Variants in TMEM165 observed in about 807,000 individuals in gnomAD.
The protein encoded by TMEM165 is putative divalent cation/proton antiporter TMEM165.
TMEM165 carries 19 observed loss-of-function variants against 30.0 expected under a neutral mutation model. That is an observed-to-expected ratio of 0.63 (90% CI 0.44 to 0.93). The LOEUF is 0.93. Ranked by LOEUF, TMEM165 falls within the 40% of genes least tolerant of loss-of-function variation. The pLI, the probability that TMEM165 is intolerant of heterozygous loss-of-function variation, is 0.00. For synonymous variants in TMEM165, 168 were observed against 162.9 expected (o/e 1.03, Z -0.24); for missense variants, 340 against 417.0 (o/e 0.82, Z 1.61).
intron 3 of TMEM165, chr4:55,442,351 A>C: frequency 7.8e-7 from 1 of 1,279,436 alleles, no homozygotes; most frequent in Middle Eastern, 2.2e-4. Flanking sequence ...ACATTAAAAA[A>C]TTTGATTAAG....
chr4:55,453,136 A>G, exon 4 of TMEM165: 36 of 1,610,560 alleles, frequency 2.2e-5, no homozygotes, highest in Non-Finnish European at 3.1e-5. Context: ...ATAACTACAA[A>G]TGGAAAAAAT....
intron 1 of TMEM165, among the ~76,000 whole-genome samples, chr4:55,402,473 A>C (rs1721062065): frequency 1.2e-5 from 1 of 83,966 alleles, no homozygotes; most frequent in South Asian, 4.0e-4. Flanking sequence ...TTTTTGAGAC[A>C]GAGTCTCACT....
At chr4:55,435,219 T>A in intron 3 of TMEM165, 1 of 630,592 alleles carries the variant, frequency 1.6e-6, no homozygotes. Flanking sequence ...TATGATCACC[T>A]CCTGCTGGCT....
chr4:55,444,722 G>A (rs761998791), intron 3 of TMEM165: 5 of 1,613,898 alleles, frequency 3.1e-6, no homozygotes, highest in East Asian at 2.2e-5. Context: ...TCTATCATGC[G>A]TGTCCGTTGT....
At chr4:55,423,180 C>T (rs1722054212) in intron 4 of TMEM165, 2 of 152,324 alleles carry the variant, frequency 1.3e-5, no homozygotes, top group African/African-American at 4.8e-5. Context: ...AGTGATCCTT[C>T]TGCCTTAGCC....
chr4:55,397,527 C>T (rs190911838), intron 1 of TMEM165: 1 of 152,174 alleles, frequency 6.6e-6, no homozygotes, highest in Admixed American at 6.5e-5. Flanking sequence ...TTTGAAGCCA[C>T]GGATCAACTC....
At position 55,398,054 on chromosome 4, in the gene TMEM165, C is replaced by T. The variant is rs1373713969; in HGVS notation, c.207+1658C>T. Among the ~76,000 whole-genome samples the T allele has an allele frequency of 3.3e-5, 5 of 152,124 alleles. No homozygotes were observed. In the East Asian group the frequency reaches 9.6e-4, roughly 29 times the overall value. On this transcript the variant is annotated intron_variant, in intron 1 of 5. Transcript: ENST00000381334. ...GCATTGTTTTCGTGTTTCATGTTTT[C>T]GTTACATGTTACTTTCTTAGGCTTT... is the stretch of plus-strand genomic sequence containing the variant.
intron 1 of TMEM165, among the ~76,000 whole-genome samples, chr4:55,400,252 T>C (rs1416473724): frequency 1.6e-5 from 1 of 63,258 alleles, no homozygotes; most frequent in Non-Finnish European, 3.2e-5. Flanking sequence ...AATATTATAT[T>C]ATATTAATAT....
At chr4:55,418,023 C>T (rs550031985) in intron 4 of TMEM165, 38 bp downstream of exon 4, 26 of 1,543,948 alleles carry the variant, frequency 1.7e-5, no homozygotes, top group African/African-American at 2.8e-5. Flanking sequence ...TAAAATGAAA[C>T]GTAATTATTA....
downstream of TMEM165, chr4:55,429,132 G>A (rs1310907678): frequency 6.6e-6 from 1 of 151,998 alleles, no homozygotes; most frequent in African/African-American, 2.4e-5. Flanking sequence ...ACTAGTCCAA[G>A]CCAACTCAAA....
At chr4:55,451,775 C>T (rs1336795967) in intron 3 of TMEM165, among the ~76,000 whole-genome samples, 1 of 152,170 alleles carries the variant, frequency 6.6e-6, no homozygotes, top group Non-Finnish European at 1.5e-5. Flanking sequence ...ATGTCTTCTA[C>T]CAAAACATAC....
chr4:55,424,939 G>A, intron 5 of TMEM165: 1 of 388,138 alleles, frequency 2.6e-6, no homozygotes, highest in South Asian at 3.1e-5. Flanking sequence ...CTCTAAAAAT[G>A]TGTCTTACAA....
rs184824339 is a variant in TMEM165 at position 55,418,462 on chromosome 4, T to G, written c.792+477T>G. On this transcript the variant is annotated intron_variant, in intron 4 of 5. Coordinates refer to ENST00000381334, the MANE Select transcript of TMEM165 (RefSeq NM_018475.5). Reference sequence around the variant, plus strand: ...TTGCTTGAGCCTGGGAGGTTGAGGCTCCAGTGAGCTGTGTTCGCGCCACTG... The same window carrying G: ...TTGCTTGAGCCTGGGAGGTTGAGGCGCCAGTGAGCTGTGTTCGCGCCACTG... Among the ~76,000 whole-genome samples the G allele has an allele frequency of 5.3e-3, 803 of 151,440 alleles. 1 individual carries two copies. Among genetic ancestry groups the G allele is most frequent in the South Asian group, 0.015 (73 of 4,768 alleles).
intron 1 of TMEM165, among the ~76,000 whole-genome samples, chr4:55,403,516 A>AT (rs1398677528): frequency 3.1e-5 from 4 of 128,518 alleles, no homozygotes; most frequent in East Asian, 2.3e-4. Flanking sequence ...TTTTTTTACA[A>AT]TTTTTACATT....
intron 3 of TMEM165, chr4:55,442,314 G>T: frequency 1.2e-6 from 1 of 822,582 alleles, no homozygotes; most frequent in Non-Finnish European, 2.0e-6. Context: ...TAAGAACATT[G>T]GCTGCAGTGA....
At chr4:55,427,250 C>T (rs1333842339), downstream of TMEM165, among the ~76,000 whole-genome samples, 2 of 151,444 alleles carry the variant, frequency 1.3e-5, no homozygotes, top group East Asian at 3.9e-4. Flanking sequence ...GCTGGCCAGG[C>T]TGGTCTCGAA....
rs1721500223 is a variant in TMEM165 at position 55,411,596 on chromosome 4, C to CT, written c.208-17dup. ...TTTGAATAATGATTTTAAGAAGTAA[C>CT]TGATTTTTTTTTTCCAGAAAATATT... On this transcript the variant is annotated splice_polypyrimidine_tract_variant and intron_variant, in intron 1 of 5. Transcript: ENST00000381334. The CT allele has an allele frequency of 6.4e-7, 1 of 1,572,984 alleles. No individual in the cohort carries two copies. Among genetic ancestry groups the CT allele is most frequent in the African/African-American group, 1.4e-5 (1 of 73,348 alleles).
intron 1 of TMEM165, chr4:55,403,185 C>T: frequency 1.8e-6 from 2 of 1,090,510 alleles, no homozygotes; most frequent in Non-Finnish European, 2.5e-6. Context: ...CAGATAATCT[C>T]ACCTCTTGTT....
At chr4:55,409,249 T>G (rs1340930216) in intron 1 of TMEM165, among the ~76,000 whole-genome samples, 1 of 152,222 alleles carries the variant, frequency 6.6e-6, no homozygotes, top group Non-Finnish European at 1.5e-5. Flanking sequence ...GCCTAAATTT[T>G]TCTGATCTTT....
Sources: gnomAD v4.1 joint callset for allele counts (sites outside exome capture counted in the v4.1 genomes callset) on GRCh38, gnomAD v4.1.1 for gene constraint, MANE v1.5 for transcripts, NCBI Gene and HGNC (gene_info 2026-07-23, HGNC 2026-07-21) for gene names.